The following SLC44A1 variants were observed in gnomAD, a reference collection of about 807,000 sequenced individuals.
SLC44A1 encodes solute carrier family 44 member 1, also known as choline transporter-like protein 1.
In SLC44A1, 26 loss-of-function variants were observed where a neutral mutation model predicts 79.3. That is an observed-to-expected ratio of 0.33 (90% CI 0.24 to 0.46). The LOEUF (loss-of-function observed/expected upper bound fraction) is 0.46. SLC44A1 is among the 20% of genes least tolerant of loss of function. The pLI is 1.00. For synonymous variants in SLC44A1, 263 were observed against 286.2 expected (o/e 0.92, Z 0.82); for missense variants, 688 against 798.1 (o/e 0.86, Z 1.66).
intron 15 of SLC44A1, chr9:105,386,583 T>G (rs970261598): frequency 1.3e-5 from 3 of 231,136 alleles, no homozygotes; most frequent in Non-Finnish European, 2.1e-5. Context: ...TTTTTGCCTT[T>G]TTTTTTTTAA....
intron 12 of SLC44A1, among the ~76,000 whole-genome samples, chr9:105,371,795 T>C (rs1226271531): frequency 6.8e-6 from 1 of 147,938 alleles, no homozygotes. Flanking sequence ...ACCCCTGCTA[T>C]AGAATAAATT....
rs960097168 is a variant in SLC44A1 at position 105,396,995 on chromosome 9, A to G, written c.*7939A>G. ...TATTTGTGACGGTCATTATTGACAC[A>G]GTGCAGACTTTGCAGATGGAGCATT... On this transcript the variant is annotated 3_prime_UTR_variant, in exon 16 of 16. Transcript: ENST00000374720. 16 of 985,276 alleles carry G rather than the reference A, an allele frequency of 1.6e-5. No homozygotes were observed. The highest frequency in any genetic ancestry group is 1.9e-5 in the Non-Finnish European group (16 of 829,906). The allele number at this position is 985,276 out of a possible 1,614,324, so 61.0% of individuals were successfully genotyped here.
Position 105,356,369 on chromosome 9 carries a change from T to C in SLC44A1, c.658T>C (p.Leu220=). Residue 220 remains leucine (L), a synonymous_variant, in exon 6 of 16, where the codon TTG becomes CTG. Coordinates refer to ENST00000374720, the MANE Select transcript of SLC44A1 (RefSeq NM_080546.5). ...TSKEIILGLC[L]LSLVLSMILM... ...CAAAGAAATTATATTGGGACTTTGC[T>C]TGTTATCACTAGGTAATTGTTTTTC... 6.3e-7 allele frequency: 1 copy of C among 1,593,430 alleles called. No individual in the cohort carries two copies. The highest frequency in any genetic ancestry group is 8.5e-7 in the Non-Finnish European group (1 of 1,169,702).
At chr9:105,407,285 C>T (rs7855200) in intron 15 of SLC44A1, among the ~76,000 whole-genome samples, 19,243 of 152,104 alleles carry the variant, frequency 0.13, 3,255 homozygotes, top group African/African-American at 0.39. Flanking sequence ...GTTGAAAACT[C>T]CTCAAAAGTG....
intron 3 of SLC44A1, among the ~76,000 whole-genome samples, chr9:105,322,381 C>T (rs558906371): frequency 2.6e-5 from 4 of 152,064 alleles, no homozygotes; most frequent in South Asian, 2.1e-4. Flanking sequence ...CAAAAGAAGC[C>T]GGAAGTCTGT....
At chr9:105,258,686 G>GTTGTT (rs956073283) in intron 1 of SLC44A1, among the ~76,000 whole-genome samples, 2 of 151,926 alleles carry the variant, frequency 1.3e-5, no homozygotes, top group South Asian at 4.2e-4. Flanking sequence ...TTTGCTGTTT[G>GTTGTT]TTGTTTTGTT....
chr9:105,331,349 G>A (rs1826742915), intron 3 of SLC44A1, among the ~76,000 whole-genome samples: 2 of 152,208 alleles, frequency 1.3e-5, no homozygotes, highest in South Asian at 4.1e-4. Context: ...CCTGTTGGGA[G>A]TGAAAGTAGG....
chr9:105,278,722 T>A (rs1830273891), intron 1 of SLC44A1, among the ~76,000 whole-genome samples: 1 of 152,216 alleles, frequency 6.6e-6, no homozygotes, highest in African/African-American at 2.4e-5. Flanking sequence ...CTTTGCCAGA[T>A]AACTTAGAAG....
At chr9:105,271,775 G>A (rs1830083782) in intron 1 of SLC44A1, among the ~76,000 whole-genome samples, 1 of 152,060 alleles carries the variant, frequency 6.6e-6, no homozygotes, top group Non-Finnish European at 1.5e-5. Flanking sequence ...CATCACGCCT[G>A]GCTAATTTTT....
intron 15 of SLC44A1, among the ~76,000 whole-genome samples, chr9:105,386,967 AG>A (rs1828642346): frequency 7.0e-6 from 1 of 143,030 alleles, no homozygotes; most frequent in Non-Finnish European, 1.5e-5. Flanking sequence ...TGAACCTGGG[AG>A]GCAGAGGTTG....
downstream of SLC44A1, among the ~76,000 whole-genome samples, chr9:105,401,832 T>C (rs1401509164): frequency 3.9e-5 from 6 of 152,142 alleles, no homozygotes; most frequent in Non-Finnish European, 8.8e-5. Flanking sequence ...TTCTGGGAGC[T>C]CAGTTCTAAA....
At chr9:105,340,231 A>G (rs1329225362) in intron 4 of SLC44A1, among the ~76,000 whole-genome samples, 1 of 152,246 alleles carries the variant, frequency 6.6e-6, no homozygotes, top group Non-Finnish European at 1.5e-5. Context: ...ATAAATTCTG[A>G]CACATGCTAT....
intron 1 of SLC44A1, among the ~76,000 whole-genome samples, chr9:105,253,573 C>CA (rs1407051088): frequency 2.7e-4 from 41 of 152,098 alleles, no homozygotes; most frequent in African/African-American, 9.6e-4. Context: ...CAAAAAATAG[C>CA]AAAACAAATT....
At chr9:105,264,799 T>G (rs1283558837) in intron 1 of SLC44A1, among the ~76,000 whole-genome samples, 1 of 105,604 alleles carries the variant, frequency 9.5e-6, no homozygotes, top group Non-Finnish European at 1.7e-5. Flanking sequence ...TACCTGGAAT[T>G]TTTTTTTTTT....
At chr9:105,339,225 C>G (rs1827014525) in intron 4 of SLC44A1, among the ~76,000 whole-genome samples, 1 of 150,462 alleles carries the variant, frequency 6.6e-6, no homozygotes, top group African/African-American at 2.4e-5. Flanking sequence ...ATCTGAAGAT[C>G]TACTATAAAA....
At chr9:105,305,858 T>A (rs1230985010) in intron 2 of SLC44A1, among the ~76,000 whole-genome samples, 1 of 150,024 alleles carries the variant, frequency 6.7e-6, no homozygotes, top group Non-Finnish European at 1.5e-5. Context: ...TTTTTTTTTT[T>A]TTTTTTTTTA....
Position 105,414,817 on chromosome 9 carries a change from G to GA in SLC44A1, c.1951-23455dup, listed in dbSNP as rs573253578. 3.4e-3 allele frequency among the ~76,000 whole-genome samples: 503 copies of GA among 149,654 alleles called. 6 individuals carry two copies. Among genetic ancestry groups the GA allele is most frequent in the Non-Finnish European group, 4.8e-3 (324 of 67,234 alleles). On this transcript the variant is annotated intron_variant, in intron 15 of 15. Coordinates refer to the SLC44A1 transcript ENST00000374724. ...GGCGAGACCCTGCTAGAACAAAAAA[G>GA]AAAAAAAAACCATAGGAATAAGATG...
intron 1 of SLC44A1, among the ~76,000 whole-genome samples, chr9:105,250,097 A>G (rs141224655): frequency 8.8e-4 from 133 of 151,880 alleles, no homozygotes; most frequent in African/African-American, 2.9e-3. Flanking sequence ...GCTGGTCTCA[A>G]ACTCCCGGGT....
intron 11 of SLC44A1, 133 bp downstream of exon 11, chr9:105,365,772 C>A (rs1827921987): frequency 3.4e-6 from 3 of 886,098 alleles, no homozygotes; most frequent in African/African-American, 1.7e-5. Context: ...AAAATCCAGC[C>A]CTTCTCCCTT....
Sources: gnomAD v4.1 joint callset for allele counts (sites outside exome capture counted in the v4.1 genomes callset) on GRCh38, gnomAD v4.1.1 for gene constraint, MANE v1.5 for transcripts, NCBI Gene and HGNC (gene_info 2026-07-23, HGNC 2026-07-21) for gene names.